The following MYH8 variants were observed in gnomAD, a reference collection of about 807,000 sequenced individuals.
The protein encoded by MYH8 is myosin heavy chain 8.
In MYH8, 168 loss-of-function variants were observed where a neutral mutation model predicts 233.2. The observed-to-expected ratio is 0.72, with a 90% CI of 0.64 to 0.82. MYH8 has a LOEUF of 0.82. Among genes scored for constraint, MYH8 ranks in the 40% least tolerant of loss-of-function variants. The pLI is 0.00. For missense variants in MYH8, 1,995 were observed against 2,327.8 expected, an observed-to-expected ratio of 0.86 and a Z score of 2.94; for synonymous variants, 785 against 850.6, an observed-to-expected ratio of 0.92 and a Z score of 1.34.
In MYH8 at chr17:10,393,016, A is replaced by C; in HGVS notation, c.5293-15T>G. 1.9e-6 allele frequency: 3 copies of C among 1,614,182 alleles called. No homozygotes were observed. The highest frequency in any genetic ancestry group is 2.5e-6 in the Non-Finnish European group (3 of 1,180,040). On this transcript the variant is annotated splice_polypyrimidine_tract_variant and intron_variant, in intron 36 of 39. Transcript: ENST00000403437. ...ATCATGGCAGCCTATTTAGGAAATA[A>C]ATTAAGAAAGTAATGAAACTTGATG...
chr17:10,408,200 A>G (rs985151185), intron 17 of MYH8, among the ~76,000 whole-genome samples: 8 of 152,014 alleles, frequency 5.3e-5, no homozygotes, highest in African/African-American at 1.9e-4. Flanking sequence ...CAGCCTCCCA[A>G]AGTGCTGGGA....
Position 10,418,649 on chromosome 17 carries a change from C to T in MYH8, c.507G>A (p.Leu169=), listed in dbSNP as rs759652599. ...SISDNAYQFM[L]TDRENQSILI... is the part of the protein sequence containing the mutation. ...ATAGATGCCTCACTCACTCACCAGT[C>T]AACATGAACTGATAGGCATTGTCAG... The change falls in exon 5 of 40, where the codon TTG becomes TTA. Residue 169 remains leucine, a synonymous_variant. Transcript: ENST00000403437. 6.8e-6 allele frequency: 11 copies of T among 1,613,826 alleles called. No homozygotes were observed. The East Asian group carries it at 2.4e-4, about 36-fold the overall frequency.
chr17:10,402,260 T>G (rs1339736026), intron 22 of MYH8, among the ~76,000 whole-genome samples: 1 of 152,174 alleles, frequency 6.6e-6, no homozygotes, highest in Non-Finnish European at 1.5e-5. Context: ...TTTTGATCAT[T>G]CCCTGTCCCC....
Position 10,406,788 on chromosome 17 carries a change from A to ATG in MYH8, c.2072_2073insCA (p.Val692MetfsTer6), listed in dbSNP as rs2072198331. Reference sequence around the variant, plus strand: ...CATTACACCTCAGCTGGTGCAACACAAGTTCATGTTCCATTGCCCCTAAAA... The same window carrying ATG: ...CATTACACCTCAGCTGGTGCAACACATGAGTTCATGTTCCATTGCCCCTAAAA... On this transcript the variant is annotated frameshift_variant, in exon 19 of 40. Coordinates refer to ENST00000403437, the MANE Select transcript of MYH8 (RefSeq NM_002472.3). LOFTEE classifies it high-confidence loss of function. 1 of 1,614,010 alleles carries ATG rather than the reference A, an allele frequency of 6.2e-7. No individual in the cohort carries two copies. Among genetic ancestry groups the ATG allele is most frequent in the Non-Finnish European group, 8.5e-7 (1 of 1,180,014 alleles).
chr17:10,414,291 C>G lies in MYH8; in HGVS notation c.909G>C (p.Met303Ile). 1 of 1,613,942 alleles carries G rather than the reference C, an allele frequency of 6.2e-7. No individual in the cohort carries two copies. Among genetic ancestry groups the G allele is most frequent in the East Asian group, 2.2e-5 (1 of 44,884 alleles). ...TSNKKPDLIEMLLITTNPYDY... is the reference protein window; with the variant it reads ...TSNKKPDLIEILLITTNPYDY... ...CATATGGGTTGGTGGTGATCAGGAG[C>G]ATTTCTGGGTCACAGAATTCAGGGC... is the stretch of plus-strand genomic sequence containing the variant. Residue 303 changes from methionine to isoleucine, a missense_variant, in exon 11 of 40, where the codon ATG (methionine) becomes ATC (isoleucine). Met to Ile is a conservative substitution (Grantham distance 10). Coordinates refer to ENST00000403437, the MANE Select transcript of MYH8 (RefSeq NM_002472.3).
In MYH8 at chr17:10,400,488, A is replaced by G. The variant is rs2142174614; in HGVS notation, c.3637T>C (p.Leu1213=). Reference sequence around the variant, plus strand: ...TCCAGCTTCTGTTTGACCCGCTGCAAGTTGTCAATCTGCTCCCCAAGCTCA... The same window carrying G: ...TCCAGCTTCTGTTTGACCCGCTGCAGGTTGTCAATCTGCTCCCCAAGCTCA... The part of the protein sequence containing the change: ...MAELGEQIDN[L]QRVKQKLEKE... The change falls in exon 27 of 40, where the codon TTG becomes CTG. Residue 1213 remains leucine, a synonymous_variant. Transcript: ENST00000403437. This position sits in a 1 kb window ranked among gnomAD's most constrained non-coding sequence, Gnocchi z 4.0. The G allele has an allele frequency of 6.2e-7, 1 of 1,614,082 alleles. No individual in the cohort carries two copies. The highest frequency in any genetic ancestry group is 8.5e-7 in the Non-Finnish European group (1 of 1,180,002).
chr17:10,412,954 T>C (rs1395706485), intron 12 of MYH8, among the ~76,000 whole-genome samples: 2 of 152,244 alleles, frequency 1.3e-5, no homozygotes, highest in Non-Finnish European at 2.9e-5. Flanking sequence ...AAGAAATTTT[T>C]CATCAACTGT....
chr17:10,409,670 A>G, intron 15 of MYH8, 82 bp from the exon 16 acceptor site: 1 of 1,546,332 alleles, frequency 6.5e-7, no homozygotes, highest in Admixed American at 1.7e-5. Flanking sequence ...TGATTGAATT[A>G]TGAGCACCCC....
chr17:10,415,128 C>T lies in MYH8; in HGVS notation c.793G>A (p.Asp265Asn), dbSNP rs2072278018. The T allele has an allele frequency of 6.2e-7, 1 of 1,612,838 alleles. No homozygotes were observed. The highest frequency in any genetic ancestry group is 8.5e-7 in the Non-Finnish European group (1 of 1,178,782). ...FGTTGKLASA[D>N]IETYLLEKSR... ...TCCTGTTACTCACATGTTTCTATATCAGCAGATGCCAGCTTCCCTGTAGTA... is the reference window on the plus strand; with the variant it reads ...TCCTGTTACTCACATGTTTCTATATTAGCAGATGCCAGCTTCCCTGTAGTA... Residue 265 changes from aspartate (D) to asparagine (N), a missense_variant, in exon 9 of 40, where the codon GAT becomes AAT. Physicochemically the swap from Asp to Asn is conservative, Grantham distance 23 (BLOSUM62 1). Around this residue, in one of 3 missense-constraint regions of MYH8, gnomAD observed 479 missense variants for 600.9 expected, o/e 0.80. Coordinates refer to ENST00000403437, the MANE Select transcript of MYH8 (RefSeq NM_002472.3). The surrounding 1 kb of genome is among the most constrained non-coding windows in gnomAD (Gnocchi z 4.1).
chr17:10,399,017 T>TATATAC lies in MYH8; in HGVS notation c.3863-132_3863-131insGTATAT, dbSNP rs1555555769. ...GTGTATATATATATATATATATATA[T>TATATAC]ACAAGTTGTATATACCTTACCTGAA... On this transcript the variant is annotated intron_variant, in intron 28 of 39. Coordinates refer to ENST00000403437, the MANE Select transcript of MYH8 (RefSeq NM_002472.3). 418 of 283,192 alleles carry TATATAC rather than the reference T, an allele frequency of 1.5e-3. 2 individuals carry two copies. Among genetic ancestry groups the TATATAC allele is most frequent in the African/African-American group, 9.2e-3 (400 of 43,520 alleles). 17.5% of individuals were successfully genotyped at this position (283,192 alleles called of 1,614,324 possible).
intron 9 of MYH8, 37 bp from the exon 10 acceptor site, chr17:10,414,521 A>C (rs370546992): frequency 7.3e-7 from 1 of 1,376,720 alleles, no homozygotes; most frequent in Non-Finnish European, 1.0e-6. Flanking sequence ...TGAAAAAAGT[A>C]TCAATGCTTC....
At chr17:10,413,663 T>C (rs1484422343) in intron 12 of MYH8, among the ~76,000 whole-genome samples, 1 of 152,086 alleles carries the variant, frequency 6.6e-6, no homozygotes, top group Admixed American at 6.5e-5. Flanking sequence ...TTCTATCTCA[T>C]AGTTTGTGCT....
chr17:10,410,894 C>T lies in MYH8; in HGVS notation c.1470G>A (p.Gln490=), dbSNP rs142242671. 82 of 1,614,108 alleles carry T rather than the reference C, an allele frequency of 5.1e-5. No individual in the cohort carries two copies. The African/African-American group carries it at 9.2e-4, about 18-fold the overall frequency. ...GCACAAACATGTGGTGGTTGAAAAA[C>T]TGTTGCAGTTTCTCGTTGGTGAAGT... ...CINFTNEKLQ[Q]FFNHHMFVLE... The change falls in exon 15 of 40, where the codon CAG becomes CAA. Residue 490 remains glutamine, a synonymous_variant. Transcript: ENST00000403437.
chr17:10,404,444 T>C lies in MYH8; in HGVS notation c.2574A>G (p.Glu858=). The change falls in exon 22 of 40, where the codon GAA becomes GAG. Residue 858 remains glutamate, a synonymous_variant. Coordinates refer to ENST00000403437, the MANE Select transcript of MYH8 (RefSeq NM_002472.3). Reference sequence around the variant, plus strand: ...CGAGTTCATCTTTGGTTTTCTGGAATTCTTCCTTCATGGTGGCCATCTCTT... The same window carrying C: ...CGAGTTCATCTTTGGTTTTCTGGAACTCTTCCTTCATGGTGGCCATCTCTT... ...TEKEMATMKE[E]FQKTKDELAK... 3 of 1,614,088 alleles carry C rather than the reference T, an allele frequency of 1.9e-6. No individual in the cohort carries two copies. Among genetic ancestry groups the C allele is most frequent in the Non-Finnish European group, 2.5e-6 (3 of 1,179,982 alleles).
intron 2 of MYH8, among the ~76,000 whole-genome samples, chr17:10,421,186 C>T (rs2072336830): frequency 6.6e-6 from 1 of 151,994 alleles, no homozygotes; most frequent in African/African-American, 2.4e-5. Flanking sequence ...TATTTAACAC[C>T]CGGTGGATGT....
rs1233115863 is a variant in MYH8, at chr17:10,421,665, C to G, written c.-33G>C. ...AAATTAATAAAGCCAAGTCTTACCTCTGGAGTTCCAGATAAAAATGCAGGT... is the reference window on the plus strand; with the variant it reads ...AAATTAATAAAGCCAAGTCTTACCTGTGGAGTTCCAGATAAAAATGCAGGT... On this transcript the variant is annotated splice_region_variant and 5_prime_UTR_variant, in exon 2 of 40. Transcript: ENST00000403437. The G allele has an allele frequency of 2.0e-5, 3 of 152,190 alleles. No individual in the cohort carries two copies. Among genetic ancestry groups the G allele is most frequent in the Non-Finnish European group, 4.4e-5 (3 of 68,032 alleles). The allele number at this position is 152,190 out of a possible 1,614,324, so 9.4% of individuals were successfully genotyped here.
At chr17:10,407,010 A>G (rs2072200996) in intron 17 of MYH8, 31 bp from the exon 18 acceptor site, 1 of 1,563,094 alleles carries the variant, frequency 6.4e-7, no homozygotes, top group Non-Finnish European at 8.8e-7. Flanking sequence ...GACTTGATGA[A>G]AAAGTTCTAT....
rs996260685 is a variant in MYH8, at chr17:10,417,841, G to A, written c.511+804C>T. 7.2e-5 allele frequency among the ~76,000 whole-genome samples: 11 copies of A among 151,992 alleles called. No individual in the cohort carries two copies. The highest frequency in any genetic ancestry group is 3.4e-3 in the Middle Eastern group (1 of 294). ...TTCCTTCCTCTTTATTCTCCCCCTC[G>A]AAAAGACAATTTAAAAACAAGTGCA... On this transcript the variant is annotated intron_variant, in intron 5 of 39. Transcript: ENST00000403437. The surrounding 1 kb of genome is among the most constrained non-coding windows in gnomAD (Gnocchi z 4.1).
In MYH8 at chr17:10,409,125, G is replaced by A. The variant is rs535957016; in HGVS notation, c.1937C>T (p.Ser646Phe). The change falls in exon 17 of 40, where the codon TCT becomes TTT. Residue 646 changes from serine to phenylalanine, a missense_variant. This residue lies in a region of MYH8 where 1,498 missense variants were observed against 1,680.9 expected (regional missense o/e 0.89). Transcript: ENST00000403437. ...AKKGAKKKGS[S>F]FQTVSALFRE... ...GAAAAGGGCAGACACAGTCTGGAAA[G>A]AAGAGCCCTTTTTCTTAGCACCTTT... 1 of 1,614,162 alleles carries A rather than the reference G, an allele frequency of 6.2e-7. No homozygotes were observed. Among genetic ancestry groups the A allele is most frequent in the Admixed American group, 1.7e-5 (1 of 60,020 alleles).
Sources: allele counts gnomAD v4.1 joint callset (sites outside exome capture counted in the v4.1 genomes callset), GRCh38; gene constraint gnomAD v4.1.1; regional missense constraint gnomAD v4.1.1; non-coding constraint Gnocchi (gnomAD v3.1); transcripts MANE v1.5; gene names NCBI Gene and HGNC (gene_info 2026-07-23, HGNC 2026-07-21).